The following PRR16 variants were observed in gnomAD, a reference collection of about 807,000 sequenced individuals.
PRR16 encodes proline rich 16.
Under a neutral mutation model 18.2 loss-of-function variants are expected in PRR16, and 6 were observed. That is an observed-to-expected ratio of 0.33 (90% CI 0.18 to 0.65). The LOEUF is 0.65. PRR16 is among the 30% of genes least tolerant of loss of function. PRR16 has a pLI of 0.74. For synonymous variants in PRR16, 151 were observed against 147.8 expected, an observed-to-expected ratio of 1.02 and a Z score of -0.16; for missense variants, 412 against 376.6, an observed-to-expected ratio of 1.09 and a Z score of -0.78.
chr5:120,762,667 G>T, the PRR16 span, among the ~76,000 whole-genome samples: 5 of 152,148 alleles, frequency 3.3e-5, no homozygotes, highest in Admixed American at 2.0e-4. Context: ...TGAGTACCTT[G>T]TGTGTTCTAG....
At chr5:120,759,990 A>G in the PRR16 span, among the ~76,000 whole-genome samples, 2 of 152,184 alleles carry the variant, frequency 1.3e-5, no homozygotes, top group African/African-American at 4.8e-5. Context: ...TGTGTGTAAA[A>G]GGTGCTAATC....
At chr5:120,668,425 C>G (rs1010930366) in intron 1 of PRR16, among the ~76,000 whole-genome samples, 5 of 149,492 alleles carry the variant, frequency 3.3e-5, no homozygotes, top group African/African-American at 1.2e-4. Context: ...CATTCTGTGT[C>G]TTTTAATTGG....
At chr5:120,677,653 A>G (rs554662839) in intron 1 of PRR16, among the ~76,000 whole-genome samples, 3 of 152,022 alleles carry the variant, frequency 2.0e-5, no homozygotes, top group Middle Eastern at 3.2e-3. Context: ...TTTTCTCTCC[A>G]TTAAGTTTGT....
chr5:120,539,732 G>A (rs1438571273), intron 1 of PRR16, among the ~76,000 whole-genome samples: 2 of 152,126 alleles, frequency 1.3e-5, no homozygotes, highest in Non-Finnish European at 2.9e-5. Flanking sequence ...AGAGCATTTT[G>A]AGTCATGAGA....
chr5:120,712,021 T>G, the PRR16 span, among the ~76,000 whole-genome samples: 16 of 152,182 alleles, frequency 1.1e-4, no homozygotes, highest in African/African-American at 3.9e-4. Context: ...TTTCCTCTTA[T>G]TGACAAGTTT....
chr5:120,709,005 T>C, the PRR16 span, among the ~76,000 whole-genome samples: 3 of 16,324 alleles, frequency 1.8e-4, 1 homozygote, highest in African/African-American at 3.6e-4. Flanking sequence ...TTTTTTTTTT[T>C]TTTTTTTTTT....
At chr5:120,589,268 C>A (rs1272481901) in intron 1 of PRR16, among the ~76,000 whole-genome samples, 1 of 152,040 alleles carries the variant, frequency 6.6e-6, no homozygotes, top group African/African-American at 2.4e-5. Flanking sequence ...TGAAACATGC[C>A]TAATTTCTTA....
chr5:120,650,142 C>T (rs1375327884), intron 1 of PRR16, among the ~76,000 whole-genome samples: 2 of 150,852 alleles, frequency 1.3e-5, no homozygotes, highest in African/African-American at 4.9e-5. Flanking sequence ...TGCTTGAACC[C>T]GGAAGTGGAG....
At chr5:120,763,640 G>C in the PRR16 span, among the ~76,000 whole-genome samples, 3 of 151,886 alleles carry the variant, frequency 2.0e-5, no homozygotes. Flanking sequence ...AGATTGCTTT[G>C]AATAGTATGG....
At chr5:120,622,204 C>T (rs1475984792) in intron 1 of PRR16, among the ~76,000 whole-genome samples, 1 of 152,100 alleles carries the variant, frequency 6.6e-6, no homozygotes, top group East Asian at 1.9e-4. Context: ...GAGCATGAGT[C>T]TCATCTCCCT....
intron 1 of PRR16, among the ~76,000 whole-genome samples, chr5:120,529,266 T>G (rs1304661766): frequency 6.6e-6 from 1 of 152,190 alleles, no homozygotes; most frequent in Admixed American, 6.6e-5. Flanking sequence ...AGAAATTTTG[T>G]TAATTATGAT....
At chr5:120,552,471 A>C (rs1472688004) in intron 1 of PRR16, among the ~76,000 whole-genome samples, 3 of 151,892 alleles carry the variant, frequency 2.0e-5, no homozygotes, top group Admixed American at 6.6e-5. Context: ...CATTTTTACT[A>C]TTTAGAATTT....
At chr5:120,504,933 T>G (rs1416426843) in intron 1 of PRR16, among the ~76,000 whole-genome samples, 2 of 152,100 alleles carry the variant, frequency 1.3e-5, no homozygotes, top group East Asian at 3.9e-4. Context: ...CAGAAACTCA[T>G]GGGAACAGGA....
intron 1 of PRR16, among the ~76,000 whole-genome samples, chr5:120,509,373 C>T (rs1179460495): frequency 6.6e-6 from 1 of 151,998 alleles, no homozygotes; most frequent in Non-Finnish European, 1.5e-5. Context: ...TTGACTGAGG[C>T]CACCAGAAAA....
At position 120,646,030 on chromosome 5, in the gene PRR16, CA is replaced by C. The variant is rs201536740; in HGVS notation, c.160-39915del. On this transcript the variant is annotated intron_variant, in intron 1 of 1. Transcript: ENST00000407149. ...AAAATATGAAGATAAGCTCAAATTA[CA>C]AAAAAAAATACATATTTTATATATA... is the stretch of plus-strand genomic sequence containing the variant. Among the ~76,000 whole-genome samples, 745 of 86,478 alleles carry C rather than the reference CA, an allele frequency of 8.6e-3. 9 individuals are homozygous for C. The highest frequency in any genetic ancestry group is 0.024 in the African/African-American group (600 of 25,364). 56.7% of individuals were successfully genotyped at this position (86,478 alleles called of 152,430 possible). A position where few individuals can be genotyped will look rare whatever the true frequency, so the allele number is the denominator to read the frequency against.
the PRR16 span, among the ~76,000 whole-genome samples, chr5:120,703,270 T>C: frequency 6.6e-6 from 1 of 152,106 alleles, no homozygotes; most frequent in African/African-American, 2.4e-5. Flanking sequence ...TTACACTTCT[T>C]TTGTGGTGGA....
At chr5:120,506,438 T>C (rs1750648411) in intron 1 of PRR16, among the ~76,000 whole-genome samples, 1 of 152,130 alleles carries the variant, frequency 6.6e-6, no homozygotes, top group South Asian at 2.1e-4. Context: ...TAACGTAAGC[T>C]CAACTGATTT....
At chr5:120,523,819 A>G (rs887955969) in intron 1 of PRR16, among the ~76,000 whole-genome samples, 7 of 152,188 alleles carry the variant, frequency 4.6e-5, no homozygotes, top group Non-Finnish European at 1.0e-4. Context: ...GCTAACTTAT[A>G]CCATAAAAGA....
At chr5:120,633,074 T>TTTACTCTCC (rs1755110238) in intron 1 of PRR16, among the ~76,000 whole-genome samples, 1 of 140,932 alleles carries the variant, frequency 7.1e-6, no homozygotes, top group Non-Finnish European at 1.6e-5. Flanking sequence ...AGGGCCTATC[T>TTTACTCTCC]TTACTCTCCT....
Sources: allele counts gnomAD v4.1 joint callset (sites outside exome capture counted in the v4.1 genomes callset), GRCh38; gene constraint gnomAD v4.1.1; transcripts MANE v1.5; gene names NCBI Gene and HGNC (gene_info 2026-07-23, HGNC 2026-07-21).